Variants in EPCIP observed in about 807,000 individuals in gnomAD.
EPCIP encodes exosomal polycystin 1 interacting protein, also known as exosomal polycystin-1-interacting protein.
chr21:32,798,509 G>T, the EPCIP span: 53 of 152,330 alleles, frequency 3.5e-4, no homozygotes, highest in African/African-American at 1.2e-3. Flanking sequence ...TTCTGCTGGA[G>T]ACTGTGTCTT....
chr21:32,802,155 G>T, the EPCIP span, among the ~76,000 whole-genome samples: 3 of 152,192 alleles, frequency 2.0e-5, no homozygotes, highest in Admixed American at 6.5e-5. Context: ...AAACTCTTCT[G>T]ATCATCACCC....
chr21:32,804,196 C>G, the EPCIP span, among the ~76,000 whole-genome samples: 1 of 151,686 alleles, frequency 6.6e-6, no homozygotes, highest in African/African-American at 2.4e-5. Flanking sequence ...GAGAACCTGT[C>G]TGAGTCTTAT....
the EPCIP span, among the ~76,000 whole-genome samples, chr21:32,805,874 A>G: frequency 6.6e-6 from 1 of 152,174 alleles, no homozygotes; most frequent in Admixed American, 6.6e-5. Flanking sequence ...CAATGCTCCC[A>G]TAGAATAGTC....
At chr21:32,805,798 C>A in the EPCIP span, among the ~76,000 whole-genome samples, 1 of 152,142 alleles carries the variant, frequency 6.6e-6, no homozygotes, top group Admixed American at 6.5e-5. Context: ...TTGCTAATTA[C>A]ATTATGTGGT....
the EPCIP span, chr21:32,791,584 C>G: frequency 6.6e-6 from 1 of 151,580 alleles, no homozygotes; most frequent in East Asian, 1.9e-4. Context: ...TCACATTTTT[C>G]TATTAAAATT....
At chr21:32,811,778 A>G in the EPCIP span, among the ~76,000 whole-genome samples, 21 of 152,324 alleles carry the variant, frequency 1.4e-4, no homozygotes, top group African/African-American at 5.1e-4. Flanking sequence ...TTAAGGGGTG[A>G]CCTTTAAGAG....
At chr21:32,794,472 T>A in the EPCIP span, 4 of 1,547,370 alleles carry the variant, frequency 2.6e-6, no homozygotes, top group African/African-American at 5.4e-5. Context: ...TTGAACCAAT[T>A]TGTTGGAACT....
chr21:32,804,712 G>C, the EPCIP span, among the ~76,000 whole-genome samples: 1 of 152,084 alleles, frequency 6.6e-6, no homozygotes, highest in African/African-American at 2.4e-5. Flanking sequence ...CTCTCTGCAT[G>C]ATTTTTCCTG....
At chr21:32,805,858 C>T in the EPCIP span, among the ~76,000 whole-genome samples, 2 of 152,076 alleles carry the variant, frequency 1.3e-5, no homozygotes, top group Non-Finnish European at 1.5e-5. Context: ...CCTGAAATAC[C>T]GAGCTCAATG....
At chr21:32,811,176 G>C in the EPCIP span, among the ~76,000 whole-genome samples, 5 of 151,324 alleles carry the variant, frequency 3.3e-5, no homozygotes, top group Admixed American at 6.6e-5. Context: ...TGTCACCCAG[G>C]CTGGAGTGCA....
At chr21:32,801,188 G>A in the EPCIP span, among the ~76,000 whole-genome samples, 1 of 152,116 alleles carries the variant, frequency 6.6e-6, no homozygotes, top group Non-Finnish European at 1.5e-5. Context: ...CCCCTTAATG[G>A]CATTAGTCTG....
At chr21:32,809,439 A>G in the EPCIP span, among the ~76,000 whole-genome samples, 1 of 149,386 alleles carries the variant, frequency 6.7e-6, no homozygotes, top group African/African-American at 2.5e-5. Context: ...GCTGGAGTGC[A>G]GTGGCTCACT....
At chr21:32,793,865 A>G in the EPCIP span, 1 of 1,614,146 alleles carries the variant, frequency 6.2e-7, no homozygotes, top group Non-Finnish European at 8.5e-7. Context: ...AACGTTTTCA[A>G]TACTATATGA....
At chr21:32,811,624 T>C in the EPCIP span, among the ~76,000 whole-genome samples, 5 of 152,214 alleles carry the variant, frequency 3.3e-5, no homozygotes, top group Non-Finnish European at 7.3e-5. Context: ...ATTCCATGCA[T>C]TGTATTCTAT....
chr21:32,812,080 T>G, the EPCIP span, among the ~76,000 whole-genome samples: 5 of 152,228 alleles, frequency 3.3e-5, no homozygotes. Context: ...AGAGTGCTGC[T>G]TCTGCTAACA....
the EPCIP span, chr21:32,810,582 G>T: frequency 6.4e-6 from 3 of 470,770 alleles, no homozygotes; most frequent in Non-Finnish European, 1.3e-5. Flanking sequence ...ACCTGTTATT[G>T]TTGCATGTCC....
chr21:32,800,375 T>C, the EPCIP span, among the ~76,000 whole-genome samples: 1 of 152,374 alleles, frequency 6.6e-6, no homozygotes, highest in East Asian at 1.9e-4. Context: ...TGCAGCTAGT[T>C]GCTAGTATTG....
chr21:32,809,549 T>C, the EPCIP span, among the ~76,000 whole-genome samples: 1 of 151,798 alleles, frequency 6.6e-6, no homozygotes, highest in Non-Finnish European at 1.5e-5. Flanking sequence ...TAAAATTTTT[T>C]GTAGAGACAC....
At chr21:32,804,275 T>TTTTATATATATATATATATA in the EPCIP span, among the ~76,000 whole-genome samples, 1 of 140,960 alleles carries the variant, frequency 7.1e-6, no homozygotes, top group African/African-American at 2.7e-5. Context: ...ATGCATGTGA[T>TTTTATATATATATATATATA]TATATATATA....
Sources: allele counts gnomAD v4.1 joint callset (sites outside exome capture counted in the v4.1 genomes callset), GRCh38; gene constraint gnomAD v4.1.1; transcripts MANE v1.5; gene names NCBI Gene and HGNC (gene_info 2026-07-23, HGNC 2026-07-21).